The following THOC1 variants were observed in gnomAD, a reference collection of about 807,000 sequenced individuals.
The protein encoded by THOC1 is THO complex subunit 1, also known as THO complex 1.
Under a neutral mutation model 97.3 loss-of-function variants are expected in THOC1, and 29 were observed. The observed-to-expected ratio is 0.30, with a 90% CI of 0.22 to 0.41. THOC1 has a LOEUF of 0.41. THOC1 is among the 10% of genes least tolerant of loss of function. The pLI is 1.00. For missense variants in THOC1, 529 were observed against 761.9 expected, an observed-to-expected ratio of 0.69 and a Z score of 3.60; for synonymous variants, 255 against 257.0, an observed-to-expected ratio of 0.99 and a Z score of 0.07.
rs1416923097 is a variant in THOC1, at chr18:254,702, A to G, written c.521-347T>C. 2.0e-5 allele frequency among the ~76,000 whole-genome samples: 3 copies of G among 152,058 alleles called. No individual in the cohort carries two copies. Among genetic ancestry groups the G allele is most frequent in the Non-Finnish European group, 4.4e-5 (3 of 68,012 alleles). ...TATTTCAAACTTTTTCATTATTATT[A>G]TATCTGTTATGATGATCTGTGATCA... On this transcript the variant is annotated intron_variant, in intron 7 of 20. Transcript: ENST00000261600. The surrounding 1 kb of genome is among the most constrained non-coding windows in gnomAD (Gnocchi z 4.1).
chr18:228,580 T>C (rs1201545242), intron 11 of THOC1, among the ~76,000 whole-genome samples: 1 of 152,208 alleles, frequency 6.6e-6, no homozygotes, highest in East Asian at 1.9e-4. Flanking sequence ...GGGCCAGATT[T>C]GGCCTATAGG....
At chr18:232,033 G>A (rs193166699) in intron 11 of THOC1, among the ~76,000 whole-genome samples, 62 of 152,316 alleles carry the variant, frequency 4.1e-4, no homozygotes, top group African/African-American at 1.4e-3. Context: ...CTGTTACAGA[G>A]CAAAAGCAGT....
chr18:218,924 T>C lies in THOC1; in HGVS notation c.1416A>G (p.Glu472=), dbSNP rs368062170. 1 of 1,606,242 alleles carries C rather than the reference T, an allele frequency of 6.2e-7. No individual in the cohort carries two copies. Among genetic ancestry groups the C allele is most frequent in the Non-Finnish European group, 8.5e-7 (1 of 1,175,798 alleles). Reference sequence around the variant, plus strand: ...CCACCATATTTTCAGGGTCTGCCTGTTCAATGGCTTCTTCAAAGAATTCCT... The same window carrying C: ...CCACCATATTTTCAGGGTCTGCCTGCTCAATGGCTTCTTCAAAGAATTCCT... The part of the protein sequence containing the change: ...TLEEFFEEAI[E]QADPENMVEN... Residue 472 remains glutamate, a synonymous_variant, in exon 18 of 21, where the codon GAA becomes GAG. Transcript: ENST00000261600.
At chr18:251,217 A>G (rs1398723612) in intron 9 of THOC1, among the ~76,000 whole-genome samples, 3 of 152,210 alleles carry the variant, frequency 2.0e-5, no homozygotes, top group Non-Finnish European at 4.4e-5. Context: ...AATTGGCCCC[A>G]GGTCACATGA....
At chr18:264,379 A>G (rs1043269599) in intron 3 of THOC1, among the ~76,000 whole-genome samples, 2 of 152,260 alleles carry the variant, frequency 1.3e-5, no homozygotes, top group African/African-American at 4.8e-5. Flanking sequence ...AATCAAGGAC[A>G]GAAGTGCTGA....
intron 20 of THOC1, 33 bp from the exon 21 acceptor site, chr18:214,954 A>G (rs1296567944): frequency 1.3e-6 from 2 of 1,599,038 alleles, no homozygotes; most frequent in South Asian, 1.1e-5. Context: ...ATTATGCGCA[A>G]TTCTAAGTAT....
At chr18:232,955 C>T (rs1033844772) in intron 11 of THOC1, among the ~76,000 whole-genome samples, 6 of 152,006 alleles carry the variant, frequency 3.9e-5, no homozygotes, top group African/African-American at 7.2e-5. Context: ...TAATTTTTCC[C>T]GGTTATGTAG....
At chr18:223,396 C>A (rs755568045) in intron 17 of THOC1, 44 bp downstream of exon 17, 1 of 1,470,594 alleles carries the variant, frequency 6.8e-7, no homozygotes, top group Non-Finnish European at 9.3e-7. Context: ...TTCTACTCAA[C>A]ACTTGACAAA....
At chr18:239,627 A>G (rs544720664) in intron 11 of THOC1, among the ~76,000 whole-genome samples, 94 of 152,306 alleles carry the variant, frequency 6.2e-4, no homozygotes, top group African/African-American at 2.2e-3. Context: ...TTTTAAACCT[A>G]TGTATCTCTG....
At chr18:228,449 T>C (rs1911371633) in intron 11 of THOC1, among the ~76,000 whole-genome samples, 1 of 152,146 alleles carries the variant, frequency 6.6e-6, no homozygotes, top group Non-Finnish European at 1.5e-5. Context: ...TAGTAAGTAT[T>C]TTTATTAATA....
intron 7 of THOC1, among the ~76,000 whole-genome samples, chr18:255,746 T>C (rs1187653036): frequency 2.6e-5 from 4 of 152,356 alleles, no homozygotes; most frequent in African/African-American, 9.6e-5. Context: ...AGGACTTTCA[T>C]AGCTAGAGAG....
At chr18:228,779 G>A (rs1053743489) in intron 11 of THOC1, among the ~76,000 whole-genome samples, 3 of 152,192 alleles carry the variant, frequency 2.0e-5, no homozygotes, top group Non-Finnish European at 2.9e-5. Flanking sequence ...CTGAAAGTGA[G>A]GTGCCTGAGT....
intron 9 of THOC1, among the ~76,000 whole-genome samples, chr18:250,706 T>C (rs749966174): frequency 2.0e-5 from 3 of 152,246 alleles, no homozygotes; most frequent in Non-Finnish European, 4.4e-5. Flanking sequence ...TGTCACAAAG[T>C]AATTCCTCAC....
Position 214,681 on chromosome 18 carries a change from G to GACTT in THOC1, c.1915_1918dup (p.Ser640Ter). 1 of 1,613,736 alleles carries GACTT rather than the reference G, an allele frequency of 6.2e-7. No individual in the cohort carries two copies. The highest frequency in any genetic ancestry group is 1.1e-5 in the South Asian group (1 of 91,070). On this transcript the variant is annotated stop_gained and frameshift_variant, in exon 21 of 21. Transcript: ENST00000261600. LOFTEE classifies it high-confidence loss of function. ...ACTTTCTGCAAGGTCACTTAATCCA[G>GACTT]ACTTATTCAGTGCATTAATCAGATT...
In THOC1 at chr18:246,141, C is replaced by T. The variant is rs1264785627; in HGVS notation, c.918+183G>A. The T allele has an allele frequency of 7.5e-5, 37 of 494,404 alleles. No homozygotes were observed. In the Admixed American group the frequency reaches 8.8e-4, roughly 12 times the overall value. The allele number at this position is 494,404 out of a possible 1,614,324, so 30.6% of individuals were successfully genotyped here. A position where few individuals can be genotyped will look rare whatever the true frequency, so the allele number is the denominator to read the frequency against. ...TGTAGAACTACTTTCACCTTTGAAACCAAATTAGTCCTACTTCTGAAAGGA... is the reference window on the plus strand; with the variant it reads ...TGTAGAACTACTTTCACCTTTGAAATCAAATTAGTCCTACTTCTGAAAGGA... On this transcript the variant is annotated intron_variant, in intron 11 of 20. Coordinates refer to ENST00000261600, the MANE Select transcript of THOC1 (RefSeq NM_005131.3).
At chr18:239,176 A>G (rs1911810696) in intron 11 of THOC1, among the ~76,000 whole-genome samples, 2 of 152,264 alleles carry the variant, frequency 1.3e-5, no homozygotes. Flanking sequence ...TTTACAGAAT[A>G]TTCTTACGCT....
At chr18:261,597 G>C (rs1912607438) in intron 4 of THOC1, among the ~76,000 whole-genome samples, 1 of 152,118 alleles carries the variant, frequency 6.6e-6, no homozygotes, top group African/African-American at 2.4e-5. Flanking sequence ...CACCCACCAG[G>C]GATGTTACAG....
chr18:215,353 TA>T (rs1910840464), intron 20 of THOC1, 75 bp downstream of exon 20: 3 of 1,106,206 alleles, frequency 2.7e-6, no homozygotes. Flanking sequence ...TCGATCAAAT[TA>T]AATAATGTAC....
intron 5 of THOC1, 49 bp downstream of exon 5, chr18:260,136 TG>T: frequency 8.3e-7 from 1 of 1,207,252 alleles, no homozygotes; most frequent in Non-Finnish European, 1.1e-6. Context: ...CTCAGAATTC[TG>T]GATCTATAGA....
Sources: gnomAD v4.1 joint callset for allele counts (sites outside exome capture counted in the v4.1 genomes callset) on GRCh38, gnomAD v4.1.1 for gene constraint, Gnocchi (gnomAD v3.1) non-coding constraint, MANE v1.5 for transcripts, NCBI Gene and HGNC (gene_info 2026-07-23, HGNC 2026-07-21) for gene names.